Variants in FER observed in about 807,000 individuals in gnomAD.
The protein encoded by FER is FER tyrosine kinase, also known as tyrosine-protein kinase Fer.
Under a neutral mutation model 111.0 loss-of-function variants are expected in FER, and 63 were observed. The observed-to-expected ratio is 0.57, with a 90% confidence interval of 0.46 to 0.70. The LOEUF (loss-of-function observed/expected upper bound fraction) is 0.70, where lower values mean the gene tolerates loss of function less well. Among genes scored for constraint, FER ranks in the 30% least tolerant of loss-of-function variants. FER has a pLI of 0.00. For synonymous variants in FER, 327 were observed against 313.9 expected (o/e 1.04, Z -0.44); for missense variants, 914 against 954.0 (o/e 0.96, Z 0.55).
At chr5:109,083,039 G>A (rs542801332) in intron 16 of FER, among the ~76,000 whole-genome samples, 1 of 152,088 alleles carries the variant, frequency 6.6e-6, no homozygotes, top group Admixed American at 6.6e-5. Flanking sequence ...TGAAAAGATA[G>A]GTGTTAAATC....
At position 109,061,527 on chromosome 5, in the gene FER, C is replaced by G. The variant is rs909133374; in HGVS notation, c.1924+14329C>G. Among the ~76,000 whole-genome samples the G allele has an allele frequency of 9.2e-5, 14 of 152,244 alleles. No homozygotes were observed. The East Asian group carries it at 2.3e-3, about 25-fold the overall frequency. ...AAAGTAGGCTAATAGTACTCTATTT[C>G]TACTATTGTGTAATTAGATTTTTAT... is the stretch of plus-strand genomic sequence containing the variant. On this transcript the variant is annotated intron_variant, in intron 16 of 19. Transcript: ENST00000281092.
intron 16 of FER, among the ~76,000 whole-genome samples, chr5:109,060,786 A>C (rs1364528981): frequency 6.8e-6 from 1 of 147,970 alleles, no homozygotes; most frequent in East Asian, 2.0e-4. Flanking sequence ...ATATATATAT[A>C]TACACACCAA....
rs562187981 is a variant in FER at position 109,108,110 on chromosome 5, C to T, written c.2048+7591C>T. Among the ~76,000 whole-genome samples the T allele has an allele frequency of 1.1e-4, 16 of 152,192 alleles. No homozygotes were observed. The South Asian group carries it at 1.5e-3, about 14-fold the overall frequency. On this transcript the variant is annotated intron_variant, in intron 17 of 19. Transcript: ENST00000281092. ...CTAAAAGGCTTCAAAAGATGGCTAT[C>T]GTACACTCATGGAGAGCTCACTGTT...
At chr5:108,890,583 A>G (rs560009793) in intron 9 of FER, among the ~76,000 whole-genome samples, 11 of 151,844 alleles carry the variant, frequency 7.2e-5, no homozygotes, top group African/African-American at 2.4e-4. Context: ...TCTGTATCCA[A>G]ATTTTCCTCT....
At chr5:108,839,207 CT>C (rs1397307222) in intron 5 of FER, among the ~76,000 whole-genome samples, 1 of 152,088 alleles carries the variant, frequency 6.6e-6, no homozygotes, top group African/African-American at 2.4e-5. Context: ...GCAAATGCCT[CT>C]AAATGTTCCT....
intron 3 of FER, among the ~76,000 whole-genome samples, chr5:108,805,329 G>C (rs147422912): frequency 1.3e-5 from 2 of 152,174 alleles, no homozygotes; most frequent in Non-Finnish European, 2.9e-5. Context: ...GGAACTGTAA[G>C]TTCAGTTAAA....
At chr5:108,864,581 G>A (rs1036702498) in intron 5 of FER, among the ~76,000 whole-genome samples, 2 of 152,144 alleles carry the variant, frequency 1.3e-5, no homozygotes, top group Non-Finnish European at 2.9e-5. Context: ...CATATGGCTA[G>A]CCAGTTTTCC....
intron 13 of FER, among the ~76,000 whole-genome samples, chr5:108,966,921 A>C (rs930665000): frequency 6.6e-6 from 1 of 152,166 alleles, no homozygotes; most frequent in African/African-American, 2.4e-5. Flanking sequence ...AAAACAACAA[A>C]AATTGGAAAA....
At chr5:108,868,415 A>T (rs1024879710) in intron 6 of FER, among the ~76,000 whole-genome samples, 7 of 152,164 alleles carry the variant, frequency 4.6e-5, no homozygotes, top group African/African-American at 1.4e-4. Context: ...ATGCTTAGGG[A>T]TATAGAGATG....
chr5:108,801,552 C>T (rs1414437041), intron 3 of FER, among the ~76,000 whole-genome samples: 1 of 152,218 alleles, frequency 6.6e-6, no homozygotes, highest in Non-Finnish European at 1.5e-5. Flanking sequence ...GCCTTCCACC[C>T]ACACATTTAA....
At chr5:109,030,973 G>A (rs551246880) in intron 13 of FER, among the ~76,000 whole-genome samples, 3 of 151,970 alleles carry the variant, frequency 2.0e-5, no homozygotes, top group South Asian at 4.2e-4. Flanking sequence ...ATTTGTCTGG[G>A]ATCTATCTTC....
intron 5 of FER, among the ~76,000 whole-genome samples, chr5:108,862,128 T>A (rs950800824): frequency 6.6e-6 from 1 of 152,200 alleles, no homozygotes; most frequent in Non-Finnish European, 1.5e-5. Context: ...GAGAATTTAT[T>A]ATTATTATTT....
At chr5:108,888,747 C>G (rs1368670743) in intron 9 of FER, among the ~76,000 whole-genome samples, 1 of 151,512 alleles carries the variant, frequency 6.6e-6, no homozygotes, top group African/African-American at 2.4e-5. Context: ...AATTATTGAA[C>G]AAAAGGAACA....
intron 5 of FER, among the ~76,000 whole-genome samples, chr5:108,863,239 C>T (rs1222430012): frequency 1.3e-5 from 2 of 152,136 alleles, no homozygotes; most frequent in Non-Finnish European, 2.9e-5. Flanking sequence ...CCTGCCTCAG[C>T]CTCCCGATTG....
intron 2 of FER, among the ~76,000 whole-genome samples, chr5:108,794,521 T>TCC (rs1755770290): frequency 6.1e-5 from 2 of 32,978 alleles, no homozygotes; most frequent in African/African-American, 2.3e-4. Context: ...GCTTGCCCCC[T>TCC]CCGCACCCCC....
intron 18 of FER, among the ~76,000 whole-genome samples, chr5:109,184,414 G>T (rs991241539): frequency 3.9e-5 from 6 of 151,976 alleles, no homozygotes; most frequent in Non-Finnish European, 8.8e-5. Context: ...CTATACAATT[G>T]TAAGTTACTC....
chr5:109,105,881 T>C (rs1748854716), intron 17 of FER, among the ~76,000 whole-genome samples: 1 of 152,186 alleles, frequency 6.6e-6, no homozygotes, highest in African/African-American at 2.4e-5. Context: ...ACTAATGGAT[T>C]CCAAAAGCCT....
At chr5:108,839,335 G>T (rs184086790) in intron 5 of FER, among the ~76,000 whole-genome samples, 2 of 152,264 alleles carry the variant, frequency 1.3e-5, no homozygotes, top group Admixed American at 1.3e-4. Context: ...AGGAATCCTA[G>T]GTGATTGTCA....
At chr5:108,907,840 A>AC (rs532064777) in intron 10 of FER, among the ~76,000 whole-genome samples, 1 of 151,430 alleles carries the variant, frequency 6.6e-6, no homozygotes, top group Non-Finnish European at 1.5e-5. Context: ...GTATCAGTGG[A>AC]TTTTTTTTTC....
Sources: gnomAD v4.1 joint callset for allele counts (sites outside exome capture counted in the v4.1 genomes callset) on GRCh38, gnomAD v4.1.1 for gene constraint, MANE v1.5 for transcripts, NCBI Gene and HGNC (gene_info 2026-07-23, HGNC 2026-07-21) for gene names.